The following TXK variants were observed in gnomAD, a reference collection of about 807,000 sequenced individuals.
TXK encodes the protein TXK tyrosine kinase.
A neutral mutation model predicts 81.0 loss-of-function variants in TXK; 60 were observed. The observed-to-expected ratio is 0.74, with a 90% confidence interval of 0.60 to 0.92. The LOEUF (loss-of-function observed/expected upper bound fraction) is 0.92. TXK is among the 40% of genes least tolerant of loss of function. The pLI is 0.00. For synonymous variants in TXK, 203 were observed against 210.7 expected (o/e 0.96, Z 0.32); for missense variants, 581 against 638.3 (o/e 0.91, Z 0.97).
At chr4:48,070,188 C>G (rs6844476) in intron 14 of TXK, among the ~76,000 whole-genome samples, 136,339 of 152,264 alleles carry the variant, frequency 0.9, 61,146 homozygotes, top group East Asian at 1. Flanking sequence ...TGGAAAGAGA[C>G]CAAAGCTCTC....
intron 13 of TXK, among the ~76,000 whole-genome samples, chr4:48,072,193 G>A (rs934783975): frequency 4.6e-5 from 7 of 152,026 alleles, no homozygotes; most frequent in Non-Finnish European, 8.8e-5. Flanking sequence ...TAGTAGAGGC[G>A]GGGTTTCACC....
rs778109477 is a variant in TXK at position 48,086,486 on chromosome 4, A to G, written c.936T>C (p.Ile312=). 5.6e-6 allele frequency: 9 copies of G among 1,614,064 alleles called. No homozygotes were observed. The East Asian group carries it at 2.0e-4, about 36-fold the overall frequency. The change falls in exon 10 of 15, where the codon ATT becomes ATC. Residue 312 remains isoleucine, a synonymous_variant. Coordinates refer to ENST00000264316, the MANE Select transcript of TXK (RefSeq NM_003328.3). ...CGTACATCATCACTTTGGCCTCTTC[A>G]ATGAAATCCTCTTCAGACATGGAGC... ...NEGSMSEEDF[I]EEAKVMMKLS...
intron 1 of TXK, among the ~76,000 whole-genome samples, chr4:48,125,809 G>T (rs1719075452): frequency 6.6e-6 from 1 of 152,176 alleles, no homozygotes; most frequent in Admixed American, 6.5e-5. Context: ...GGGCAGGCCG[G>T]CAAGCTGAAG....
In TXK at chr4:48,080,073, G is replaced by C; in HGVS notation, c.1012C>G (p.Pro338Ala). The change falls in exon 11 of 15, where the codon CCC (proline) becomes GCC (alanine). Residue 338 changes from proline to alanine, a missense_variant. By Grantham distance (27) the Pro-to-Ala change is conservative. Transcript: ENST00000264316. ...ATGAACTCTGTCACAATGTAAAGGG[G>C]CTTCCGCTGTATACAGACTCCATAA... ...QLYGVCIQRK[P>A]LYIVTEFMEN... 6.2e-7 allele frequency: 1 copy of C among 1,614,056 alleles called. No individual in the cohort carries two copies. Among genetic ancestry groups the C allele is most frequent in the Non-Finnish European group, 8.5e-7 (1 of 1,179,996 alleles).
At chr4:48,099,139 A>T (rs1415360469) in intron 6 of TXK, among the ~76,000 whole-genome samples, 1 of 152,156 alleles carries the variant, frequency 6.6e-6, no homozygotes, top group Non-Finnish European at 1.5e-5. Context: ...AAGAGAATCA[A>T]CTGAAAACCT....
chr4:48,133,147 AAAT>A (rs1344497801), intron 1 of TXK, among the ~76,000 whole-genome samples: 3 of 152,138 alleles, frequency 2.0e-5, no homozygotes, highest in African/African-American at 7.2e-5. Context: ...GGTGCTCAAT[AAAT>A]ACCTTTATAA....
At chr4:48,109,799 C>G (rs1718577164) in intron 5 of TXK, among the ~76,000 whole-genome samples, 1 of 152,196 alleles carries the variant, frequency 6.6e-6, no homozygotes, top group Non-Finnish European at 1.5e-5. Flanking sequence ...ATTGTATTTG[C>G]TGCCTGGTTC....
chr4:48,102,873 A>G (rs935816089), intron 6 of TXK, among the ~76,000 whole-genome samples: 5 of 152,198 alleles, frequency 3.3e-5, no homozygotes, highest in Non-Finnish European at 7.3e-5. Flanking sequence ...CTTTCTGTCA[A>G]ATGGTAAAAT....
intron 8 of TXK, among the ~76,000 whole-genome samples, chr4:48,093,811 A>G (rs1006035013): frequency 1.3e-5 from 2 of 152,190 alleles, no homozygotes; most frequent in Non-Finnish European, 2.9e-5. Context: ...ATGCATAATG[A>G]TTGATGACTA....
chr4:48,132,094 G>A (rs1474772728), intron 1 of TXK, among the ~76,000 whole-genome samples: 1 of 151,302 alleles, frequency 6.6e-6, no homozygotes, highest in Non-Finnish European at 1.5e-5. Flanking sequence ...TCCTATGAGG[G>A]GATTTCGCTT....
chr4:48,095,057 T>G, intron 7 of TXK, 86 bp downstream of exon 7: 3 of 1,146,384 alleles, frequency 2.6e-6, no homozygotes, highest in Non-Finnish European at 3.9e-6. Context: ...ATCTTTTCCC[T>G]AAGCTAAGCT....
At chr4:48,133,193 G>A (rs1719290805) in intron 1 of TXK, among the ~76,000 whole-genome samples, 1 of 150,832 alleles carries the variant, frequency 6.6e-6, no homozygotes. Context: ...TGATATGACG[G>A]CTGCCTTCTT....
chr4:48,102,123 C>T (rs770839207), intron 6 of TXK, among the ~76,000 whole-genome samples: 9 of 151,980 alleles, frequency 5.9e-5, no homozygotes, highest in East Asian at 1.9e-4. Context: ...GGATTAGAGG[C>T]GCCCGCCACC....
At chr4:48,118,580 C>T (rs981230557) in intron 1 of TXK, among the ~76,000 whole-genome samples, 6 of 152,112 alleles carry the variant, frequency 3.9e-5, no homozygotes, top group African/African-American at 9.7e-5. Flanking sequence ...TTTGATGATC[C>T]GTGATTAAGC....
intron 6 of TXK, among the ~76,000 whole-genome samples, chr4:48,103,154 G>A (rs1718265726): frequency 1.3e-5 from 2 of 152,114 alleles, no homozygotes; most frequent in Admixed American, 1.3e-4. Context: ...TAAGACCCTT[G>A]CCTTGTCTGG....
chr4:48,133,866 A>G (rs1456184867), intron 1 of TXK, among the ~76,000 whole-genome samples: 1 of 152,184 alleles, frequency 6.6e-6, no homozygotes, highest in Non-Finnish European at 1.5e-5. Flanking sequence ...TCTCATTCTA[A>G]AAACAAGTAC....
chr4:48,121,242 T>G (rs1718953007), intron 1 of TXK, among the ~76,000 whole-genome samples: 1 of 152,242 alleles, frequency 6.6e-6, no homozygotes, highest in Non-Finnish European at 1.5e-5. Context: ...ATTCTCCACT[T>G]GGATGTCTAG....
intron 7 of TXK, 36 bp from the exon 8 acceptor site, chr4:48,094,240 A>G (rs1717893431): frequency 6.2e-7 from 1 of 1,607,842 alleles, no homozygotes; most frequent in African/African-American, 1.3e-5. Context: ...TAGAAATGTG[A>G]AAGATCAATT....
chr4:48,120,078 TACAC>T (rs33968490), intron 1 of TXK, among the ~76,000 whole-genome samples: 1 of 149,390 alleles, frequency 6.7e-6, no homozygotes, highest in Non-Finnish European at 1.5e-5. Flanking sequence ...AGCATATATA[TACAC>T]ACACACACAC....
Sources: gnomAD v4.1 joint callset for allele counts (sites outside exome capture counted in the v4.1 genomes callset) on GRCh38, gnomAD v4.1.1 for gene constraint, MANE v1.5 for transcripts, NCBI Gene and HGNC (gene_info 2026-07-23, HGNC 2026-07-21) for gene names.